ZNF804B: variants seen among roughly 807,000 people sequenced by gnomAD.
The protein encoded by ZNF804B is zinc finger protein 804B, also known as zinc finger 804B.
In ZNF804B, 80 loss-of-function variants were observed where a neutral mutation model predicts 101.4. The observed-to-expected ratio is 0.79, with a 90% CI of 0.66 to 0.95. The LOEUF (loss-of-function observed/expected upper bound fraction) is 0.95, where lower values mean the gene tolerates loss of function less well. Ranked by LOEUF, ZNF804B falls within the 40% of genes least tolerant of loss-of-function variation. The pLI is 0.00. For missense variants in ZNF804B, 1,673 were observed against 1,561.9 expected (o/e 1.07, Z -1.20); for synonymous variants, 622 against 558.8 (o/e 1.11, Z -1.59).
At chr7:89,233,867 G>T (rs1278106317) in intron 2 of ZNF804B, among the ~76,000 whole-genome samples, 2 of 151,960 alleles carry the variant, frequency 1.3e-5, no homozygotes, top group Admixed American at 6.6e-5. Flanking sequence ...CAGGTGATCC[G>T]CCTGCCTCGG....
In ZNF804B at chr7:88,777,311, CAG is replaced by C. The variant is rs147645483; in HGVS notation, c.108+17229_108+17230del. Reference sequence around the variant, plus strand: ...ATGCTAAGGCAGTTGGACACAGAAGCAGAAGAAAATTAATCATGGCTTCTTTT... The same window carrying C: ...ATGCTAAGGCAGTTGGACACAGAAGCAAGAAAATTAATCATGGCTTCTTTT... On this transcript the variant is annotated intron_variant, in intron 1 of 3. Transcript: ENST00000333190. 1.9e-3 allele frequency among the ~76,000 whole-genome samples: 293 copies of C among 152,348 alleles called. 1 individual carries two copies. The highest frequency in any genetic ancestry group is 6.8e-3 in the African/African-American group (283 of 41,576).
chr7:88,981,164 G>A (rs1259446763), intron 1 of ZNF804B, among the ~76,000 whole-genome samples: 1 of 152,046 alleles, frequency 6.6e-6, no homozygotes, highest in African/African-American at 2.4e-5. Flanking sequence ...AGCGCATACT[G>A]CCTGCCTACC....
At chr7:89,177,593 A>T (rs1339834668) in intron 1 of ZNF804B, among the ~76,000 whole-genome samples, 1 of 152,214 alleles carries the variant, frequency 6.6e-6, no homozygotes, top group Non-Finnish European at 1.5e-5. Flanking sequence ...CCATTGAATG[A>T]CATGTTATAT....
intron 1 of ZNF804B, among the ~76,000 whole-genome samples, chr7:88,931,248 A>G (rs1792880370): frequency 6.6e-6 from 1 of 151,958 alleles, no homozygotes; most frequent in South Asian, 2.1e-4. Context: ...ATACCAAAGA[A>G]TCAAATCCAT....
At chr7:88,962,706 C>CACATATAT (rs1793402957) in intron 1 of ZNF804B, among the ~76,000 whole-genome samples, 1 of 61,890 alleles carries the variant, frequency 1.6e-5, no homozygotes, top group South Asian at 7.1e-4. Context: ...TTGTTAAACT[C>CACATATAT]ACATATATAT....
chr7:89,078,004 A>C (rs1353690090), intron 1 of ZNF804B, among the ~76,000 whole-genome samples: 1 of 152,138 alleles, frequency 6.6e-6, no homozygotes, highest in Non-Finnish European at 1.5e-5. Context: ...TACATAAATA[A>C]GGCTAATAAG....
chr7:89,081,096 G>C (rs1455665497), intron 1 of ZNF804B, among the ~76,000 whole-genome samples: 1 of 151,882 alleles, frequency 6.6e-6, no homozygotes, highest in Non-Finnish European at 1.5e-5. Context: ...GAGCAATAGA[G>C]ATGAATTGGG....
intron 1 of ZNF804B, among the ~76,000 whole-genome samples, chr7:89,181,028 G>T (rs1029758012): frequency 3.3e-5 from 5 of 151,288 alleles, no homozygotes; most frequent in Admixed American, 6.6e-5. Context: ...ACTCTGCCTG[G>T]TACCCTACTC....
intron 1 of ZNF804B, among the ~76,000 whole-genome samples, chr7:89,135,281 A>G (rs1790614360): frequency 6.6e-6 from 1 of 152,094 alleles, no homozygotes; most frequent in African/African-American, 2.4e-5. Context: ...ATATAGTGTA[A>G]AGCCTAACAG....
chr7:89,035,607 G>A (rs1208063019), intron 1 of ZNF804B, among the ~76,000 whole-genome samples: 1 of 151,750 alleles, frequency 6.6e-6, no homozygotes, highest in Non-Finnish European at 1.5e-5. Context: ...ACGAACTTTT[G>A]ATCAGTGTTT....
intron 1 of ZNF804B, among the ~76,000 whole-genome samples, chr7:89,193,562 G>T (rs1241128261): frequency 2.7e-5 from 4 of 147,912 alleles, no homozygotes; most frequent in African/African-American, 1.0e-4. Context: ...AACATGTTGT[G>T]TTTGGTTTTT....
At chr7:88,826,244 A>G (rs971402642) in intron 1 of ZNF804B, among the ~76,000 whole-genome samples, 39 of 152,272 alleles carry the variant, frequency 2.6e-4, no homozygotes, top group African/African-American at 8.7e-4. Flanking sequence ...TTGATTAGAG[A>G]AAATATTCCA....
At chr7:89,220,371 T>G (rs112466161) in intron 2 of ZNF804B, among the ~76,000 whole-genome samples, 4,114 of 151,716 alleles carry the variant, frequency 0.027, 108 homozygotes, top group Non-Finnish European at 0.038. Context: ...ATTGTTCAGA[T>G]TCACAGAATC....
intron 2 of ZNF804B, among the ~76,000 whole-genome samples, chr7:89,322,963 T>A (rs953688634): frequency 1.2e-4 from 18 of 152,188 alleles, no homozygotes; most frequent in African/African-American, 3.9e-4. Flanking sequence ...AGACCATAAG[T>A]TTATGTTCCC....
At chr7:88,793,761 C>A (rs933774821) in intron 1 of ZNF804B, among the ~76,000 whole-genome samples, 1 of 152,184 alleles carries the variant, frequency 6.6e-6, no homozygotes, top group Middle Eastern at 3.4e-3. Context: ...GCAAGCAACT[C>A]AAGGGTGGGA....
chr7:89,044,474 G>A (rs1381883437), intron 1 of ZNF804B, among the ~76,000 whole-genome samples: 2 of 152,174 alleles, frequency 1.3e-5, no homozygotes, highest in Non-Finnish European at 2.9e-5. Context: ...TGGGTAACAG[G>A]CAGAGGTTGG....
At chr7:89,189,625 A>G (rs1788425725) in intron 1 of ZNF804B, among the ~76,000 whole-genome samples, 2 of 152,194 alleles carry the variant, frequency 1.3e-5, no homozygotes, top group Non-Finnish European at 2.9e-5. Context: ...CACAGTGTCC[A>G]GCATGTGGCA....
At chr7:88,816,991 A>T (rs1242484519) in intron 1 of ZNF804B, among the ~76,000 whole-genome samples, 2 of 151,498 alleles carry the variant, frequency 1.3e-5, no homozygotes, top group African/African-American at 4.9e-5. Flanking sequence ...CCAAATGTCC[A>T]ACCATTATAG....
In ZNF804B at chr7:89,120,657, C is replaced by CAA. The variant is rs10636811; in HGVS notation, c.109-97482_109-97481dup. On this transcript the variant is annotated intron_variant, in intron 1 of 3. Transcript: ENST00000333190. The stretch of plus-strand genomic sequence containing the variant: ...TGGGCGACAGAGCGAGACTCCGCCT[C>CAA]AAAAAAAAAAAAAAAAATTAAAAAT... Among the ~76,000 whole-genome samples the CAA allele has an allele frequency of 1.0e-3, 104 of 103,298 alleles. 9 individuals carry two copies. The highest frequency in any genetic ancestry group is 3.2e-3 in the African/African-American group (78 of 24,586). The allele number at this position is 103,298 out of a possible 152,430, so 67.8% of individuals were successfully genotyped here.
Sources: gnomAD v4.1 joint callset for allele counts (sites outside exome capture counted in the v4.1 genomes callset) on GRCh38, gnomAD v4.1.1 for gene constraint, MANE v1.5 for transcripts, NCBI Gene and HGNC (gene_info 2026-07-23, HGNC 2026-07-21) for gene names.